Variants in SRGAP1 observed in about 807,000 individuals in gnomAD.
SRGAP1 encodes the protein SLIT-ROBO Rho GTPase-activating protein 1.
In SRGAP1, 43 loss-of-function variants were observed where a neutral mutation model predicts 121.9. That is an observed-to-expected ratio of 0.35 (90% CI 0.28 to 0.46). The LOEUF (loss-of-function observed/expected upper bound fraction) is 0.46. Among genes scored for constraint, SRGAP1 ranks in the 20% least tolerant of loss-of-function variants. The pLI is 1.00. For missense variants in SRGAP1, 1,102 were observed against 1,350.9 expected (o/e 0.82, Z 2.89); for synonymous variants, 447 against 485.4 (o/e 0.92, Z 1.04).
chr12:64,101,593 C>T (rs914592994), intron 15 of SRGAP1, among the ~76,000 whole-genome samples: 9 of 152,262 alleles, frequency 5.9e-5, no homozygotes, highest in Non-Finnish European at 2.9e-5. Context: ...CTCAGTTTCT[C>T]ACCCAAGAGT....
rs143031152 is a variant in SRGAP1 at position 63,855,518 on chromosome 12, C to A, written c.67+10635C>A. ...TTTTTTTTTTTTTGAGGGAGAGTCT[C>A]ACTCTATCAGCCAGGCTAGGGTGCA... On this transcript the variant is annotated intron_variant, in intron 1 of 21. Transcript: ENST00000355086. Among the ~76,000 whole-genome samples, 777 of 109,006 alleles carry A rather than the reference C, an allele frequency of 7.1e-3. 5 individuals are homozygous for A. The highest frequency in any genetic ancestry group is 0.011 in the Non-Finnish European group (628 of 59,006). The allele number at this position is 109,006 out of a possible 152,430, so 71.5% of individuals were successfully genotyped here. A position where few individuals can be genotyped will look rare whatever the true frequency, so the allele number is the denominator to read the frequency against.
chr12:64,025,601 G>A (rs929950640), intron 4 of SRGAP1, among the ~76,000 whole-genome samples: 1 of 152,072 alleles, frequency 6.6e-6, no homozygotes, highest in East Asian at 1.9e-4. Context: ...TATGTAAAAC[G>A]CTCCCAAACT....
At chr12:64,049,258 C>T (rs767996039) in intron 6 of SRGAP1, among the ~76,000 whole-genome samples, 1 of 152,110 alleles carries the variant, frequency 6.6e-6, no homozygotes, top group African/African-American at 2.4e-5. Flanking sequence ...TTGAAGAGAC[C>T]TTTCCCCAGT....
chr12:64,041,375 ATTTATTTATTTATTTATTTATTTT>A, intron 4 of SRGAP1, among the ~76,000 whole-genome samples: 1 of 142,068 alleles, frequency 7.0e-6, no homozygotes, highest in Non-Finnish European at 1.5e-5. Flanking sequence ...TTATTTATTT[ATTTATTTATTTATTTATTTATTTT>A]TTTGAGGCAA....
chr12:64,097,445 T>A, intron 15 of SRGAP1, 70 bp downstream of exon 15: 1 of 1,555,148 alleles, frequency 6.4e-7, no homozygotes, highest in Non-Finnish European at 8.7e-7. Flanking sequence ...GAAAAGGCAG[T>A]GGCCCCCCTC....
At position 64,156,074 on chromosome 12, in the gene SRGAP1, A is replaced by C. The variant is rs1431044281; in HGVS notation, c.*13402A>C. ...ACAAAAGCTGAGGTTTAAAGAAATTATCTCTTGTAAAATCACACAGCTAAC... is the reference window on the plus strand; with the variant it reads ...ACAAAAGCTGAGGTTTAAAGAAATTCTCTCTTGTAAAATCACACAGCTAAC... On this transcript the variant is annotated 3_prime_UTR_variant, in exon 22 of 22. Transcript: ENST00000355086. 6.6e-6 allele frequency: 1 copy of C among 152,216 alleles called. No individual in the cohort carries two copies. The highest frequency in any genetic ancestry group is 1.5e-5 in the Non-Finnish European group (1 of 68,048). 9.4% of individuals were successfully genotyped at this position (152,216 alleles called of 1,614,324 possible). A position where few individuals can be genotyped will look rare whatever the true frequency, so the allele number is the denominator to read the frequency against.
intron 1 of SRGAP1, among the ~76,000 whole-genome samples, chr12:63,885,088 TG>T (rs1900333088): frequency 6.6e-6 from 1 of 152,042 alleles, no homozygotes; most frequent in Admixed American, 6.6e-5. Flanking sequence ...ACTCTCAAAC[TG>T]TTTTTCCTCT....
chr12:64,020,614 G>C (rs577007456), intron 4 of SRGAP1, among the ~76,000 whole-genome samples: 1 of 152,080 alleles, frequency 6.6e-6, no homozygotes, highest in African/African-American at 2.4e-5. Flanking sequence ...AGGCCAAGGC[G>C]GGTGGATCAC....
At chr12:63,934,956 A>G (rs1443299882) in intron 1 of SRGAP1, among the ~76,000 whole-genome samples, 1 of 152,322 alleles carries the variant, frequency 6.6e-6, no homozygotes, top group East Asian at 1.9e-4. Context: ...GAGAATAGAA[A>G]GGCAAAAAGA....
chr12:63,844,960 T>G lies in SRGAP1; in HGVS notation c.67+77T>G. The stretch of plus-strand genomic sequence containing the variant: ...TGCTCGTGGAGTTGCGTATCTAACT[T>G]GGTGTCTGCGTGGGAGGAAGGTGGT... On this transcript the variant is annotated intron_variant, in intron 1 of 21. Coordinates refer to ENST00000355086, the MANE Select transcript of SRGAP1 (RefSeq NM_020762.4). This position sits in a 1 kb window ranked among gnomAD's most constrained non-coding sequence, Gnocchi z 4.3. 7.0e-7 allele frequency: 1 copy of G among 1,431,176 alleles called. No individual in the cohort carries two copies. The highest frequency in any genetic ancestry group is 9.9e-7 in the Non-Finnish European group (1 of 1,013,850). The allele number at this position is 1,431,176 out of a possible 1,614,324, so 88.7% of individuals were successfully genotyped here. A position where few individuals can be genotyped will look rare whatever the true frequency, so the allele number is the denominator to read the frequency against.
At chr12:64,004,221 C>T (rs1193137968) in intron 3 of SRGAP1, among the ~76,000 whole-genome samples, 3 of 152,106 alleles carry the variant, frequency 2.0e-5, no homozygotes, top group African/African-American at 2.4e-5. Flanking sequence ...ATTCAATAAA[C>T]AAACATGGGG....
intron 15 of SRGAP1, among the ~76,000 whole-genome samples, chr12:64,101,354 G>C (rs542733882): frequency 1.6e-3 from 184 of 113,248 alleles, no homozygotes; most frequent in African/African-American, 5.6e-3. Context: ...TGTGTGTGAT[G>C]AGTAGTTATC....
intron 1 of SRGAP1, among the ~76,000 whole-genome samples, chr12:63,973,048 G>A (rs1180712865): frequency 6.6e-6 from 1 of 152,218 alleles, no homozygotes; most frequent in Non-Finnish European, 1.5e-5. Flanking sequence ...ATGGGAGGCT[G>A]AGGCAGGGAG....
At chr12:64,088,684 C>T (rs114206834) in intron 11 of SRGAP1, among the ~76,000 whole-genome samples, 9 of 152,176 alleles carry the variant, frequency 5.9e-5, no homozygotes, top group Non-Finnish European at 1.2e-4. Context: ...TGAGGCAATT[C>T]GTTTTCATTC....
intron 15 of SRGAP1, among the ~76,000 whole-genome samples, chr12:64,100,220 G>C (rs1428064019): frequency 6.6e-6 from 1 of 152,126 alleles, no homozygotes; most frequent in Non-Finnish European, 1.5e-5. Context: ...TTATCAATCT[G>C]TCTGTTCTGC....
Position 63,974,429 on chromosome 12 carries a change from CTA to C in SRGAP1, c.68-9516_68-9515del, listed in dbSNP as rs1489854071. ...AGACTTAGAATAATGAATACAGCCT[CTA>C]TGTGTCAGAAATTTTTTGAAATTTA... On this transcript the variant is annotated intron_variant, in intron 1 of 21. Coordinates refer to ENST00000355086, the MANE Select transcript of SRGAP1 (RefSeq NM_020762.4). Among the ~76,000 whole-genome samples the C allele has an allele frequency of 5.9e-5, 9 of 152,224 alleles. 1 individual carries two copies. In the South Asian group the frequency reaches 8.3e-4, roughly 14 times the overall value.
intron 1 of SRGAP1, among the ~76,000 whole-genome samples, chr12:63,976,428 G>A (rs191973810): frequency 1.1e-3 from 160 of 152,148 alleles, no homozygotes; most frequent in African/African-American, 3.5e-3. Flanking sequence ...GGATATGTCC[G>A]CCCCAGACTC....
In SRGAP1 at chr12:64,078,933, T is replaced by C. The variant is rs774615027; in HGVS notation, c.1140T>C (p.Thr380=). The C allele has an allele frequency of 2.5e-6, 4 of 1,613,490 alleles. No individual in the cohort carries two copies. The highest frequency in any genetic ancestry group is 3.4e-6 in the Non-Finnish European group (4 of 1,179,960). Residue 380 remains threonine, a synonymous_variant, in exon 9 of 22, where the codon ACT becomes ACC. Coordinates refer to ENST00000355086, the MANE Select transcript of SRGAP1 (RefSeq NM_020762.4). ...KIENEEVKKT[T]EATLQTIQDM... ...TCTATTCCCAGGTTAAGAAAACGAC[T>C]GAAGCCACCTTGCAGACGATACAAG...
chr12:64,018,524 ATACT>A (rs2034467282), intron 4 of SRGAP1, among the ~76,000 whole-genome samples: 1 of 152,206 alleles, frequency 6.6e-6, no homozygotes, highest in Non-Finnish European at 1.5e-5. Flanking sequence ...TGCTCCTTTG[ATACT>A]TACTAATTAA....
Sources: gnomAD v4.1 joint callset for allele counts (sites outside exome capture counted in the v4.1 genomes callset) on GRCh38, gnomAD v4.1.1 for gene constraint, Gnocchi (gnomAD v3.1) non-coding constraint, MANE v1.5 for transcripts, NCBI Gene and HGNC (gene_info 2026-07-23, HGNC 2026-07-21) for gene names.